Variants in DPYSL5 observed in about 807,000 individuals in gnomAD.
The protein encoded by DPYSL5 is dihydropyrimidinase like 5.
In DPYSL5, 9 loss-of-function variants were observed where a neutral mutation model predicts 58.4. The observed-to-expected ratio is 0.15, with a 90% confidence interval of 0.09 to 0.27. DPYSL5 has a LOEUF of 0.27. DPYSL5 is among the 10% of genes least tolerant of loss of function. DPYSL5 has a pLI of 1.00. For missense variants in DPYSL5, 499 were observed against 770.6 expected (o/e 0.65, Z 4.17); for synonymous variants, 293 against 301.9 (o/e 0.97, Z 0.31).
At chr2:26,853,594 G>GAAAATCAGTTCCCCAGAAAAACAA (rs1665806315) in intron 1 of DPYSL5, among the ~76,000 whole-genome samples, 1 of 152,116 alleles carries the variant, frequency 6.6e-6, no homozygotes, top group Non-Finnish European at 1.5e-5. Context: ...CAGAAAAACA[G>GAAAATCAGTTCCCCAGAAAAACAA]AAAATCAGTT....
chr2:26,854,508 A>G (rs1665830492), intron 1 of DPYSL5, among the ~76,000 whole-genome samples: 1 of 152,132 alleles, frequency 6.6e-6, no homozygotes, highest in Admixed American at 6.6e-5. Flanking sequence ...CTAACCATAA[A>G]AGGATCCATG....
rs60497927 is a variant in DPYSL5, at chr2:26,906,340, C to T, written c.261+7580C>T. On this transcript the variant is annotated intron_variant, in intron 2 of 12. Coordinates refer to ENST00000288699, the MANE Select transcript of DPYSL5 (RefSeq NM_020134.4). ...CTGGGAGTACAGGCGCCTGCCACCA[C>T]GCCCAGCTAATTTTTGTATTCTTAG... Among the ~76,000 whole-genome samples the T allele has an allele frequency of 3.8e-3, 584 of 151,762 alleles. 4 individuals are homozygous for T. Among genetic ancestry groups the T allele is most frequent in the African/African-American group, 0.013 (552 of 41,322 alleles).
intron 1 of DPYSL5, among the ~76,000 whole-genome samples, chr2:26,850,024 C>T (rs1245367445): frequency 6.6e-6 from 1 of 152,186 alleles, no homozygotes; most frequent in Non-Finnish European, 1.5e-5. Context: ...CGGGTTCCCC[C>T]GAGCAGCGGC....
chr2:26,867,090 C>T (rs1178613636), intron 1 of DPYSL5, among the ~76,000 whole-genome samples: 1 of 152,024 alleles, frequency 6.6e-6, no homozygotes, highest in African/African-American at 2.4e-5. Flanking sequence ...ACCCGTTCAC[C>T]CTTAGGTAAC....
intron 1 of DPYSL5, among the ~76,000 whole-genome samples, chr2:26,878,229 A>G (rs1663462310): frequency 6.6e-6 from 1 of 152,204 alleles, no homozygotes; most frequent in African/African-American, 2.4e-5. Context: ...TTTCATTTGC[A>G]TTTATTTAAT....
At chr2:26,915,574 G>A (rs1664541134) in intron 2 of DPYSL5, among the ~76,000 whole-genome samples, 1 of 152,044 alleles carries the variant, frequency 6.6e-6, no homozygotes, top group East Asian at 1.9e-4. Flanking sequence ...TGCTTTCTGT[G>A]CCCCAGCTCC....
In DPYSL5 at chr2:26,947,240, C is replaced by G; in HGVS notation, c.*245C>G. The G allele has an allele frequency of 2.1e-6, 1 of 476,580 alleles. No homozygotes were observed. The highest frequency in any genetic ancestry group is 3.9e-6 in the Non-Finnish European group (1 of 259,720). 29.5% of individuals were successfully genotyped at this position (476,580 alleles called of 1,614,324 possible). A position where few individuals can be genotyped will look rare whatever the true frequency, so the allele number is the denominator to read the frequency against. ...TCTGCCTTGGCCTCGGCGGGCTTTT[C>G]TGGGGCCCAGGAAGCCCACACTATG... is the stretch of plus-strand genomic sequence containing the variant. On this transcript the variant is annotated 3_prime_UTR_variant, in exon 13 of 13. Coordinates refer to ENST00000288699, the MANE Select transcript of DPYSL5 (RefSeq NM_020134.4). This position sits in a 1 kb window ranked among gnomAD's most constrained non-coding sequence, Gnocchi z 4.2.
At chr2:26,931,199 G>GTATATATATATATATATATA (rs1287075956) in intron 5 of DPYSL5, among the ~76,000 whole-genome samples, 21 of 52,840 alleles carry the variant, frequency 4.0e-4, no homozygotes, top group African/African-American at 6.1e-4. Flanking sequence ...GTGTGTGTGT[G>GTATATATATATATATATATA]TGTGTATATA....
rs1665410995 is a variant in DPYSL5 at position 26,944,365 on chromosome 2, T to C, written c.1441-291T>C. Among the ~76,000 whole-genome samples, 1 of 152,164 alleles carries C rather than the reference T, an allele frequency of 6.6e-6. No homozygotes were observed. Among genetic ancestry groups the C allele is most frequent in the Non-Finnish European group, 1.5e-5 (1 of 68,022 alleles). On this transcript the variant is annotated intron_variant, in intron 11 of 12. Coordinates refer to ENST00000288699, the MANE Select transcript of DPYSL5 (RefSeq NM_020134.4). The surrounding 1 kb of genome is among the most constrained non-coding windows in gnomAD (Gnocchi z 4.4). ...TACCTCGGTGAGGCTTCCATCAGTG[T>C]TGAGGGGGAGCCAGTATCTCTCCCA...
intron 1 of DPYSL5, among the ~76,000 whole-genome samples, chr2:26,865,312 CT>C (rs1192892146): frequency 0.095 from 8,458 of 89,498 alleles, 741 homozygotes; most frequent in African/African-American, 0.26. Flanking sequence ...GTTTTGTGTT[CT>C]TTTTTTTTTT....
At position 26,928,343 on chromosome 2, in the gene DPYSL5, G is replaced by C; in HGVS notation, c.669+20G>C. On this transcript the variant is annotated intron_variant, in intron 5 of 12. Transcript: ENST00000288699. ...GAGGAGGTGAGAAACACTTCCTGTA[G>C]CCTTTGTCAGCGTCTCTCATGTAGA... 6.2e-7 allele frequency: 1 copy of C among 1,612,706 alleles called. No homozygotes were observed. The highest frequency in any genetic ancestry group is 8.5e-7 in the Non-Finnish European group (1 of 1,179,122).
chr2:26,851,402 T>C (rs1280357481), intron 1 of DPYSL5, among the ~76,000 whole-genome samples: 3 of 59,256 alleles, frequency 5.1e-5, no homozygotes, highest in African/African-American at 2.6e-4. Flanking sequence ...GTTGTTGCAT[T>C]ATTCTTAATG....
At chr2:26,873,808 C>T (rs1302472934) in intron 1 of DPYSL5, among the ~76,000 whole-genome samples, 4 of 152,196 alleles carry the variant, frequency 2.6e-5, no homozygotes, top group Admixed American at 2.0e-4. Context: ...GGTGGATCTT[C>T]TTTACTCGGT....
At chr2:26,929,101 T>C (rs1321239338) in intron 5 of DPYSL5, among the ~76,000 whole-genome samples, 1 of 152,040 alleles carries the variant, frequency 6.6e-6, no homozygotes, top group East Asian at 1.9e-4. Flanking sequence ...GTCTGATCAG[T>C]GGTGGCCTTA....
intron 2 of DPYSL5, among the ~76,000 whole-genome samples, chr2:26,909,901 G>A (rs560145076): frequency 6.6e-6 from 1 of 152,144 alleles, no homozygotes; most frequent in South Asian, 2.1e-4. Flanking sequence ...TGTTTGATAA[G>A]CTGCACATTT....
intron 5 of DPYSL5, among the ~76,000 whole-genome samples, chr2:26,931,199 GTGTGTA>G (rs1362185285): frequency 1.9e-4 from 10 of 52,878 alleles, no homozygotes; most frequent in African/African-American, 4.2e-4. Flanking sequence ...GTGTGTGTGT[GTGTGTA>G]TATATATATA....
Position 26,925,072 on chromosome 2 carries a change from G to A in DPYSL5, c.420+27G>A. The A allele has an allele frequency of 6.2e-7, 1 of 1,610,018 alleles. No homozygotes were observed. The highest frequency in any genetic ancestry group is 1.3e-5 in the African/African-American group (1 of 74,998). The stretch of plus-strand genomic sequence containing the variant: ...TAACAGTGCTGGTGGGATCCCAGAA[G>A]AAGGCACAAGTGGTCTTGTAGGCAG... On this transcript the variant is annotated intron_variant, in intron 3 of 12. Transcript: ENST00000288699. This position sits in a 1 kb window ranked among gnomAD's most constrained non-coding sequence, Gnocchi z 4.5.
At chr2:26,931,745 T>C (rs367696998) in intron 6 of DPYSL5, 61 bp downstream of exon 6, 1 of 1,580,234 alleles carries the variant, frequency 6.3e-7, no homozygotes, top group Non-Finnish European at 8.7e-7. Context: ...ACGGTGCTGA[T>C]GTCTGTAATC....
At chr2:26,904,504 CA>C (rs1200554100) in intron 2 of DPYSL5, among the ~76,000 whole-genome samples, 7 of 152,182 alleles carry the variant, frequency 4.6e-5, no homozygotes, top group Non-Finnish European at 7.3e-5. Flanking sequence ...CTTGCTTATT[CA>C]TTGATATTCT....
Sources: allele counts gnomAD v4.1 joint callset (sites outside exome capture counted in the v4.1 genomes callset), GRCh38; gene constraint gnomAD v4.1.1; non-coding constraint Gnocchi (gnomAD v3.1); transcripts MANE v1.5; gene names NCBI Gene and HGNC (gene_info 2026-07-23, HGNC 2026-07-21).